The following POLA2 variants were observed in gnomAD, a reference collection of about 807,000 sequenced individuals.
POLA2 encodes the protein DNA polymerase alpha subunit B.
A neutral mutation model predicts 82.8 loss-of-function variants in POLA2; 47 were observed. The ratio of observed to expected loss-of-function variants is 0.57; its 90% CI spans 0.45 to 0.72. The LOEUF (loss-of-function observed/expected upper bound fraction) is 0.72, where lower values mean the gene tolerates loss of function less well. Ranked by LOEUF, POLA2 falls within the 30% of genes least tolerant of loss-of-function variation. The pLI, the probability that POLA2 is intolerant of heterozygous loss-of-function variation, is 0.00. For synonymous variants in POLA2, 287 were observed against 286.8 expected, an observed-to-expected ratio of 1.00 and a Z score of -0.01; for missense variants, 634 against 728.1, an observed-to-expected ratio of 0.87 and a Z score of 1.49.
At chr11:65,301,491 C>T (rs868615651), downstream of POLA2, among the ~76,000 whole-genome samples, 30 of 151,754 alleles carry the variant, frequency 2.0e-4, no homozygotes, top group Admixed American at 1.2e-3. Context: ...AGAGGGGCAC[C>T]AAGTGGGCCA....
At chr11:65,289,901 T>C (rs1949736857) in intron 13 of POLA2, 29 bp downstream of exon 13, 3 of 1,416,572 alleles carry the variant, frequency 2.1e-6, no homozygotes, top group Admixed American at 3.4e-5. Flanking sequence ...GGACAGAACC[T>C]TAAGCTTCTT....
intron 7 of POLA2, 39 bp downstream of exon 7, chr11:65,279,665 C>G: frequency 7.1e-7 from 1 of 1,400,648 alleles, no homozygotes; most frequent in Non-Finnish European, 1.0e-6. Context: ...ATTAATATTA[C>G]GTTTTTAAAT....
At chr11:65,304,002 G>A (rs1949872346) in intron 8 of POLA2, among the ~76,000 whole-genome samples, 1 of 152,200 alleles carries the variant, frequency 6.6e-6, no homozygotes, top group Non-Finnish European at 1.5e-5. Context: ...ATGGAGTCAA[G>A]TGTGTCAGAT....
chr11:65,295,532 T>A lies in POLA2; in HGVS notation c.1461-8T>A. 1 of 1,612,848 alleles carries A rather than the reference T, an allele frequency of 6.2e-7. No homozygotes were observed. Among genetic ancestry groups the A allele is most frequent in the Non-Finnish European group, 8.5e-7 (1 of 1,178,852 alleles). ...AGTTCTGTTTTCATGCTTTCTTTTC[T>A]TTCCCAGTTCTTCCGGAACTTCAGA... On this transcript the variant is annotated splice_region_variant and splice_polypyrimidine_tract_variant and intron_variant, in intron 15 of 17. Coordinates refer to ENST00000265465, the MANE Select transcript of POLA2 (RefSeq NM_002689.4).
In POLA2 at chr11:65,281,107, A is replaced by T; in HGVS notation, c.860A>T (p.Asp287Val). Residue 287 changes from aspartate (D) to valine (V), a missense_variant, in exon 8 of 18, where the codon GAT becomes GTT. Asp to Val is a radical substitution (Grantham distance 152). Transcript: ENST00000265465. ...EHSSGAQIPV[D>V]LSELKEYSLF... ...TCCTCGGGTGCTCAAATTCCAGTGG[A>T]TTTATCTGAGCTTAAGGAATATTCT... The T allele has an allele frequency of 3.1e-6, 5 of 1,614,092 alleles. No individual in the cohort carries two copies. The South Asian group carries it at 4.4e-5, about 14-fold the overall frequency.
Position 65,294,216 on chromosome 11 carries a change from C to T in POLA2, c.1308C>T (p.Pro436=). 6.2e-7 allele frequency: 1 copy of T among 1,614,132 alleles called. No homozygotes were observed. The highest frequency in any genetic ancestry group is 1.6e-4 in the Middle Eastern group (1 of 6,062). The change falls in exon 14 of 18, where the codon CCC becomes CCT. Residue 436 remains proline (P), a synonymous_variant. Transcript: ENST00000265465. The part of the protein sequence containing the change: ...LRDVHHEPVY[P]QPPFSYSDLS... Reference sequence around the variant, plus strand: ...ATGTGCACCATGAGCCTGTGTACCCCCAGCCGCCTTTCAGCTACTCCGATC... The same window carrying T: ...ATGTGCACCATGAGCCTGTGTACCCTCAGCCGCCTTTCAGCTACTCCGATC...
At chr11:65,287,636 AT>A in intron 10 of POLA2, 79 bp from the exon 11 acceptor site, 4 of 1,299,006 alleles carry the variant, frequency 3.1e-6, no homozygotes, top group Non-Finnish European at 4.3e-6. Flanking sequence ...ATCCTGTGGC[AT>A]TTCCCATCAT....
downstream of POLA2, among the ~76,000 whole-genome samples, chr11:65,303,596 C>T (rs1377081727): frequency 6.6e-6 from 1 of 152,154 alleles, no homozygotes; most frequent in Non-Finnish European, 1.5e-5. Flanking sequence ...TTTCTGTAAG[C>T]ACTCCACACC....
chr11:65,266,580 A>G lies in POLA2; in HGVS notation c.80-2A>G. 1.2e-6 allele frequency: 2 copies of G among 1,613,970 alleles called. No homozygotes were observed. Among genetic ancestry groups the G allele is most frequent in the Non-Finnish European group, 1.7e-6 (2 of 1,179,916 alleles). On this transcript the variant is annotated splice_acceptor_variant, in intron 1 of 17. Transcript: ENST00000265465. LOFTEE classifies it high-confidence loss of function. ...TTACTTGTCCAATTTTCCTTTCTAC[A>G]GTGGTAGAGCTTTGTGTTCAGTATG...
At chr11:65,279,207 G>A (rs553075005) in intron 6 of POLA2, among the ~76,000 whole-genome samples, 10 of 152,256 alleles carry the variant, frequency 6.6e-5, no homozygotes, top group African/African-American at 2.4e-4. Context: ...TGGTTCCTTC[G>A]TTAGAAGCCT....
At position 65,294,480 on chromosome 11, in the gene POLA2, A is replaced by G. The variant is rs1949788930; in HGVS notation, c.1354-66A>G. 1.5e-5 allele frequency: 21 copies of G among 1,408,510 alleles called. 2 individuals are homozygous for G. The highest frequency in any genetic ancestry group is 1.6e-5 in the Non-Finnish European group (16 of 1,001,116). The allele number at this position is 1,408,510 out of a possible 1,614,324, so 87.3% of individuals were successfully genotyped here. On this transcript the variant is annotated intron_variant, in intron 14 of 17. Transcript: ENST00000265465. Reference sequence around the variant, plus strand: ...TCTCCCCAGCCCTCAGACAACCCCCACTTTCATGGGAAGATGTTTCTAGCT... The same window carrying G: ...TCTCCCCAGCCCTCAGACAACCCCCGCTTTCATGGGAAGATGTTTCTAGCT...
At chr11:65,278,611 A>G in intron 5 of POLA2, 119 bp from the exon 6 acceptor site, 2 of 818,984 alleles carry the variant, frequency 2.4e-6, no homozygotes, top group South Asian at 3.4e-5. Context: ...GATTCAATTT[A>G]TAAACTATGA....
chr11:65,294,489 G>A (rs1949788997), intron 14 of POLA2, 57 bp from the exon 15 acceptor site: 1 of 1,470,046 alleles, frequency 6.8e-7, no homozygotes, highest in Admixed American at 1.7e-5. Flanking sequence ...CACTTTCATG[G>A]GAAGATGTTT....
intron 8 of POLA2, chr11:65,305,303 G>A: frequency 2.2e-6 from 1 of 448,360 alleles, no homozygotes; most frequent in South Asian, 1.6e-5. Flanking sequence ...AAATGAAAAG[G>A]TGACCAGCCT....
At chr11:65,274,067 C>G (rs1450846561) in intron 4 of POLA2, among the ~76,000 whole-genome samples, 1 of 152,204 alleles carries the variant, frequency 6.6e-6, no homozygotes, top group Non-Finnish European at 1.5e-5. Flanking sequence ...AATTAAATAA[C>G]ACAGCTACTA....
chr11:65,283,308 A>G (rs1228189232), intron 10 of POLA2, among the ~76,000 whole-genome samples: 1 of 152,110 alleles, frequency 6.6e-6, no homozygotes, highest in Non-Finnish European at 1.5e-5. Flanking sequence ...GAATTTAGTT[A>G]ACAGCGATAT....
intron 13 of POLA2, among the ~76,000 whole-genome samples, chr11:65,290,373 C>A (rs187215477): frequency 3.3e-5 from 5 of 151,694 alleles, no homozygotes; most frequent in African/African-American, 1.2e-4. Context: ...CCTATCTCTA[C>A]TAAAATTACA....
At chr11:65,305,197 C>T (rs73482220) in intron 8 of POLA2, among the ~76,000 whole-genome samples, 2,087 of 152,252 alleles carry the variant, frequency 0.014, 40 homozygotes, top group African/African-American at 0.047. Context: ...CTAGTCTGGC[C>T]TCCCTCCAGG....
chr11:65,265,235 A>G (rs1438420375), intron 1 of POLA2, among the ~76,000 whole-genome samples: 1 of 145,836 alleles, frequency 6.9e-6, no homozygotes, highest in South Asian at 2.3e-4. Flanking sequence ...CTCCAAAAAA[A>G]AAAGGGGGGG....
Sources: allele counts gnomAD v4.1 joint callset (sites outside exome capture counted in the v4.1 genomes callset), GRCh38; gene constraint gnomAD v4.1.1; transcripts MANE v1.5; gene names NCBI Gene and HGNC (gene_info 2026-07-23, HGNC 2026-07-21).